Variants in ELAVL4 observed in about 807,000 individuals in gnomAD.
The protein encoded by ELAVL4 is ELAV like RNA binding protein 4.
ELAVL4 carries 1 observed loss-of-function variant against 35.6 expected under a neutral mutation model. The ratio of observed to expected loss-of-function variants is 0.03; its 90% CI spans 0.01 to 0.13. The LOEUF (loss-of-function observed/expected upper bound fraction) is 0.13, where lower values mean the gene tolerates loss of function less well. ELAVL4 is among the 10% of genes least tolerant of loss of function. The pLI, the probability that ELAVL4 is intolerant of heterozygous loss-of-function variation, is 1.00. For missense variants in ELAVL4, 267 were observed against 464.9 expected, an observed-to-expected ratio of 0.57 and a Z score of 3.91; for synonymous variants, 156 against 171.0, an observed-to-expected ratio of 0.91 and a Z score of 0.69.
intron 1 of ELAVL4, among the ~76,000 whole-genome samples, chr1:50,111,223 G>T (rs1667021060): frequency 6.6e-6 from 1 of 151,140 alleles, no homozygotes; most frequent in South Asian, 2.1e-4. Context: ...GGGAAGGGAG[G>T]GTAGGGAATC....
chr1:50,162,766 TAG>T (rs1167114957), intron 2 of ELAVL4, among the ~76,000 whole-genome samples: 1 of 152,138 alleles, frequency 6.6e-6, no homozygotes, highest in Non-Finnish European at 1.5e-5. Flanking sequence ...GTACTTTTTG[TAG>T]AGACAGGGTT....
chr1:50,195,573 G>C lies in ELAVL4; in HGVS notation c.521G>C (p.Gly174Ala). Residue 174 changes from glycine to alanine, a missense_variant, in exon 5 of 7, where the codon GGG becomes GCG. By Grantham distance (60) the Gly-to-Ala change is moderately conservative. Transcript: ENST00000371824. ...TCTCTTTCCCCAGGAGTGTCCAGAG[G>C]GGTGGGATTCATCCGCTTTGATAAG... ...LVDQVTGVSR[G>A]VGFIRFDKRI... 6.2e-7 allele frequency: 1 copy of C among 1,614,126 alleles called. No individual in the cohort carries two copies. The highest frequency in any genetic ancestry group is 8.5e-7 in the Non-Finnish European group (1 of 1,179,970).
At chr1:50,164,790 G>A (rs767860372) in intron 2 of ELAVL4, among the ~76,000 whole-genome samples, 2 of 152,050 alleles carry the variant, frequency 1.3e-5, no homozygotes, top group African/African-American at 4.8e-5. Flanking sequence ...TGCTTTTCCC[G>A]GTCCTTTTAT....
At chr1:50,135,582 C>A (rs899244032) in intron 1 of ELAVL4, among the ~76,000 whole-genome samples, 9 of 152,110 alleles carry the variant, frequency 5.9e-5, no homozygotes, top group Non-Finnish European at 8.8e-5. Context: ...AGAAGAATGC[C>A]TTGGCTTATA....
intron 1 of ELAVL4, among the ~76,000 whole-genome samples, chr1:50,139,339 T>A (rs1269764591): frequency 1.3e-5 from 2 of 152,222 alleles, no homozygotes; most frequent in African/African-American, 4.8e-5. Flanking sequence ...AGGTCATGAA[T>A]TTTAATGAAC....
intron 2 of ELAVL4, among the ~76,000 whole-genome samples, chr1:50,170,407 T>C (rs1463869352): frequency 6.6e-6 from 1 of 152,186 alleles, no homozygotes; most frequent in Non-Finnish European, 1.5e-5. Flanking sequence ...GCTTCCCTTC[T>C]CTGTTACCAT....
chr1:50,085,073 C>T (rs1013056714), intron 1 of ELAVL4, among the ~76,000 whole-genome samples: 14 of 152,118 alleles, frequency 9.2e-5, no homozygotes, highest in African/African-American at 3.4e-4. Flanking sequence ...CACATTACTG[C>T]AAAAATTTCA....
At chr1:50,178,428 A>G (rs1055003506) in intron 3 of ELAVL4, among the ~76,000 whole-genome samples, 8 of 151,944 alleles carry the variant, frequency 5.3e-5, no homozygotes, top group Non-Finnish European at 7.4e-5. Context: ...ACAAAGCAAA[A>G]CCTTTCTCTT....
chr1:50,110,012 T>TGC, intron 1 of ELAVL4: 1 of 1,604,926 alleles, frequency 6.2e-7, no homozygotes, highest in Non-Finnish European at 8.5e-7. Context: ...CCTGTGTGTG[T>TGC]GTGTGTGTGT....
At chr1:50,061,644 A>G (rs922883000) in intron 1 of ELAVL4, among the ~76,000 whole-genome samples, 5 of 152,222 alleles carry the variant, frequency 3.3e-5, no homozygotes, top group Admixed American at 6.5e-5. Flanking sequence ...CAAGGAGTGC[A>G]GTTAGATGAC....
chr1:50,148,438 A>C (rs72688524), intron 2 of ELAVL4, among the ~76,000 whole-genome samples: 55 of 152,348 alleles, frequency 3.6e-4, no homozygotes, highest in Middle Eastern at 6.8e-3. Context: ...GATATAACTC[A>C]GCCTTTGTCT....
chr1:50,200,829 C>G (rs770467595), intron 6 of ELAVL4, 22 bp from the exon 7 acceptor site: 5 of 1,606,864 alleles, frequency 3.1e-6, no homozygotes, highest in South Asian at 2.2e-5. Context: ...GGACCAGTCC[C>G]CCCTTCTGCT....
chr1:50,103,547 T>C (rs993505628), upstream of ELAVL4, among the ~76,000 whole-genome samples: 1 of 152,210 alleles, frequency 6.6e-6, no homozygotes, highest in African/African-American at 2.4e-5. Context: ...CTGATTGTAT[T>C]TTTCCTAAAG....
chr1:50,079,198 G>A (rs1664894497), intron 1 of ELAVL4, among the ~76,000 whole-genome samples: 1 of 152,112 alleles, frequency 6.6e-6, no homozygotes, highest in African/African-American at 2.4e-5. Context: ...AGTAGCCAGA[G>A]CTACAGGTGT....
chr1:50,097,244 C>T (rs1665756800), intron 1 of ELAVL4, among the ~76,000 whole-genome samples: 2 of 151,956 alleles, frequency 1.3e-5, no homozygotes, highest in South Asian at 4.2e-4. Flanking sequence ...AACAAAACCT[C>T]TCGTGACCAG....
intron 2 of ELAVL4, among the ~76,000 whole-genome samples, chr1:50,165,520 C>CATATATACATATACCTATAT (rs772208533): frequency 2.0e-5 from 3 of 148,654 alleles, no homozygotes; most frequent in South Asian, 2.1e-4. Flanking sequence ...TGCATATATA[C>CATATATACATATACCTATAT]GTATATACAT....
chr1:50,056,726 GATCGAGACC>G (rs1663693445), intron 1 of ELAVL4, among the ~76,000 whole-genome samples: 1 of 152,194 alleles, frequency 6.6e-6, no homozygotes, highest in South Asian at 2.1e-4. Context: ...CACGAGGTCA[GATCGAGACC>G]ATCCTGGCTA....
chr1:50,122,330 C>T (rs911237570), intron 1 of ELAVL4, among the ~76,000 whole-genome samples: 8 of 152,036 alleles, frequency 5.3e-5, no homozygotes, highest in Admixed American at 5.2e-4. Flanking sequence ...TATTTTATCA[C>T]AGCAGGAGAT....
chr1:50,086,326 T>C (rs2148501044), intron 1 of ELAVL4, among the ~76,000 whole-genome samples: 1 of 152,188 alleles, frequency 6.6e-6, no homozygotes, highest in East Asian at 1.9e-4. Context: ...TGAAATTGTA[T>C]GAAATGTAAA....
Sources: gnomAD v4.1 joint callset for allele counts (sites outside exome capture counted in the v4.1 genomes callset) on GRCh38, gnomAD v4.1.1 for gene constraint, MANE v1.5 for transcripts, NCBI Gene and HGNC (gene_info 2026-07-23, HGNC 2026-07-21) for gene names.